The following LRCH4 variants were observed in gnomAD, a reference collection of about 807,000 sequenced individuals.
LRCH4 encodes the protein leucine-rich repeat and calponin homology domain-containing protein 4.
A neutral mutation model predicts 81.2 loss-of-function variants in LRCH4; 56 were observed. The ratio of observed to expected loss-of-function variants is 0.69; its 90% confidence interval spans 0.56 to 0.86. The LOEUF (loss-of-function observed/expected upper bound fraction) is 0.86. LRCH4 is among the 40% of genes least tolerant of loss of function. LRCH4 has a pLI of 0.00. For missense variants in LRCH4, 895 were observed against 922.8 expected (o/e 0.97, Z 0.39); for synonymous variants, 442 against 409.7 (o/e 1.08, Z -0.95).
At chr7:100,585,464 C>T (rs1801702093) in intron 1 of LRCH4, among the ~76,000 whole-genome samples, 1 of 151,274 alleles carries the variant, frequency 6.6e-6, no homozygotes, top group South Asian at 2.1e-4. Flanking sequence ...GCTCGGATCT[C>T]GGTGGGACGG....
chr7:100,576,157 A>G (rs1305403567), intron 15 of LRCH4, 81 bp downstream of exon 15: 2 of 1,515,096 alleles, frequency 1.3e-6, no homozygotes, highest in African/African-American at 2.7e-5. Context: ...GAGGATGTGG[A>G]GGGAGGCTGG....
chr7:100,576,433 T>C lies in LRCH4; in HGVS notation c.1553-110A>G, dbSNP rs1801362199. ...CTCCTGCCTCTCTGCTTGTGGGATTTTTTTTTATTTCATGGAGATGGGGTC... is the reference window on the plus strand; with the variant it reads ...CTCCTGCCTCTCTGCTTGTGGGATTCTTTTTTATTTCATGGAGATGGGGTC... On this transcript the variant is annotated intron_variant, in intron 14 of 17. Transcript: ENST00000310300. The C allele has an allele frequency of 3.9e-6, 3 of 770,076 alleles. 1 individual carries two copies. The highest frequency in any genetic ancestry group is 3.4e-5 in the South Asian group (2 of 58,518). 47.7% of individuals were successfully genotyped at this position (770,076 alleles called of 1,614,324 possible).
Position 100,578,538 on chromosome 7 carries a change from G to T in LRCH4, c.736-27C>A, listed in dbSNP as rs769310734. 6 of 1,606,500 alleles carry T rather than the reference G, an allele frequency of 3.7e-6. No homozygotes were observed. The Admixed American group carries it at 6.7e-5, about 18-fold the overall frequency. On this transcript the variant is annotated intron_variant, in intron 5 of 17. Transcript: ENST00000310300. This position sits in a 1 kb window ranked among gnomAD's most constrained non-coding sequence, Gnocchi z 5.7. ...TGTGTGCGGGGCAGCACACGCCAGG[G>T]AGTTGGCAGGGAGGGCAGCTCCCCG... is the stretch of plus-strand genomic sequence containing the variant.
chr7:100,575,542 C>T lies in LRCH4; in HGVS notation c.1854+163G>A. ...GGGGATGTGTAGGACAGGTGACATG[C>T]AGGGCAGGGGGCATGCAGGGCAGGG... On this transcript the variant is annotated intron_variant, in intron 17 of 17. Transcript: ENST00000310300. This position sits in a 1 kb window ranked among gnomAD's most constrained non-coding sequence, Gnocchi z 5.3. The T allele has an allele frequency of 3.2e-6, 3 of 937,566 alleles. No homozygotes were observed. Among genetic ancestry groups the T allele is most frequent in the Non-Finnish European group, 5.2e-6 (3 of 573,746 alleles). The allele number at this position is 937,566 out of a possible 1,614,324, so 58.1% of individuals were successfully genotyped here.
chr7:100,575,576 G>A lies in LRCH4; in HGVS notation c.1854+129C>T. The A allele has an allele frequency of 8.7e-7, 1 of 1,152,696 alleles. No homozygotes were observed. The highest frequency in any genetic ancestry group is 1.3e-6 in the Non-Finnish European group (1 of 763,972). The allele number at this position is 1,152,696 out of a possible 1,614,324, so 71.4% of individuals were successfully genotyped here. On this transcript the variant is annotated intron_variant, in intron 17 of 17. Coordinates refer to ENST00000310300, the MANE Select transcript of LRCH4 (RefSeq NM_002319.5). The surrounding 1 kb of genome is among the most constrained non-coding windows in gnomAD (Gnocchi z 5.3). Reference sequence around the variant, plus strand: ...GGGCATGCAGGGCAGGGGGCATGCTGGGCAGGGCAGGGGCAGCCTGTGCCT... The same window carrying A: ...GGGCATGCAGGGCAGGGGGCATGCTAGGCAGGGCAGGGGCAGCCTGTGCCT...
chr7:100,581,772 C>T lies in LRCH4; in HGVS notation c.598+5G>A, dbSNP rs1286284112. 3 of 1,613,912 alleles carry T rather than the reference C, an allele frequency of 1.9e-6. No homozygotes were observed. The highest frequency in any genetic ancestry group is 2.5e-6 in the Non-Finnish European group (3 of 1,179,780). The stretch of plus-strand genomic sequence containing the variant: ...ACCTCCTCTCCAGTTCTTCATTCTT[C>T]TCACCTTCGGGCAGCGTACTGAGCT... On this transcript the variant is annotated splice_donor_5th_base_variant and intron_variant, in intron 4 of 17. Transcript: ENST00000310300.
chr7:100,576,603 A>G (rs963254480), intron 14 of LRCH4, 91 bp downstream of exon 14: 9 of 1,145,500 alleles, frequency 7.9e-6, no homozygotes, highest in Non-Finnish European at 1.1e-5. Context: ...AAAAGGTACA[A>G]CAGACCCAGA....
chr7:100,576,799 C>A, intron 13 of LRCH4, 22 bp from the exon 14 acceptor site: 1 of 1,569,540 alleles, frequency 6.4e-7, no homozygotes, highest in Non-Finnish European at 8.7e-7. Flanking sequence ...ACCAGGGACA[C>A]AGCGACAGGG....
Position 100,575,965 on chromosome 7 carries a change from G to A in LRCH4, c.1682C>T (p.Ala561Val). 6.2e-7 allele frequency: 1 copy of A among 1,609,102 alleles called. No individual in the cohort carries two copies. Among genetic ancestry groups the A allele is most frequent in the Non-Finnish European group, 8.5e-7 (1 of 1,178,924 alleles). Residue 561 changes from alanine (A) to valine (V), a missense_variant, in exon 16 of 18, where the codon GCC becomes GTC. Ala to Val is a moderately conservative substitution (Grantham distance 64). Coordinates refer to ENST00000310300, the MANE Select transcript of LRCH4 (RefSeq NM_002319.5). The surrounding 1 kb of genome is among the most constrained non-coding windows in gnomAD (Gnocchi z 5.3). Reference sequence around the variant, plus strand: ...GATGACCCCACTGGCCAGAGCCTCGGCCAGGTCCTCAGGCAGGGGCCGCTG... The same window carrying A: ...GATGACCCCACTGGCCAGAGCCTCGACCAGGTCCTCAGGCAGGGGCCGCTG... ...RLQRPLPEDL[A>V]EALASGVILC... is the part of the protein sequence containing the mutation.
rs565613954 is a variant in LRCH4, at chr7:100,575,857, C to T, written c.1776+14G>A. On this transcript the variant is annotated intron_variant, in intron 16 of 17. Transcript: ENST00000310300. The surrounding 1 kb of genome is among the most constrained non-coding windows in gnomAD (Gnocchi z 5.3). ...CCCGGCCCATCCCCCACCTCTTCCC[C>T]AGCCCCAACTGACCACAGCAGGGGA... 7.4e-6 allele frequency: 12 copies of T among 1,612,186 alleles called. No individual in the cohort carries two copies. The highest frequency in any genetic ancestry group is 5.5e-5 in the South Asian group (5 of 90,920).
Position 100,582,298 on chromosome 7 carries a change from T to C in LRCH4, c.365+17A>G, listed in dbSNP as rs1290550219. ...AGAAGCACACGCTCCCACGTGGCCC[T>C]GGCTCGGCCTCCCTACCTGAGGTTG... On this transcript the variant is annotated intron_variant, in intron 2 of 17. Coordinates refer to ENST00000310300, the MANE Select transcript of LRCH4 (RefSeq NM_002319.5). This position sits in a 1 kb window ranked among gnomAD's most constrained non-coding sequence, Gnocchi z 5.0. The C allele has an allele frequency of 1.2e-6, 2 of 1,614,086 alleles. No homozygotes were observed. Among genetic ancestry groups the C allele is most frequent in the Non-Finnish European group, 8.5e-7 (1 of 1,180,020 alleles).
rs569103303 is a variant in LRCH4 at position 100,585,496 on chromosome 7, G to C, written c.220+385C>G. 5.3e-5 allele frequency among the ~76,000 whole-genome samples: 8 copies of C among 152,008 alleles called. No individual in the cohort carries two copies. The East Asian group carries it at 1.6e-3, about 30-fold the overall frequency. ...ACGGGGGTTAAGAGGTGTAGATGAA[G>C]AGGGAGAGAAAGCAGTTATTAGAGG... On this transcript the variant is annotated intron_variant, in intron 1 of 17. Coordinates refer to ENST00000310300, the MANE Select transcript of LRCH4 (RefSeq NM_002319.5).
At position 100,582,680 on chromosome 7, in the gene LRCH4, G is replaced by C. The variant is rs548285962; in HGVS notation, c.221-221C>G. Among the ~76,000 whole-genome samples, 1 of 152,216 alleles carries C rather than the reference G, an allele frequency of 6.6e-6. No homozygotes were observed. The highest frequency in any genetic ancestry group is 2.1e-4 in the South Asian group (1 of 4,838). ...GGAAGGCAAAGGCCTTAGCGTCACT[G>C]GGCTAGAGAAGCCTCAGACTTGGGG... On this transcript the variant is annotated intron_variant, in intron 1 of 17. Coordinates refer to ENST00000310300, the MANE Select transcript of LRCH4 (RefSeq NM_002319.5). This position sits in a 1 kb window ranked among gnomAD's most constrained non-coding sequence, Gnocchi z 5.0.
chr7:100,575,155 G>A lies in LRCH4; in HGVS notation c.2004C>T (p.Val668=). The A allele has an allele frequency of 6.2e-7, 1 of 1,613,458 alleles. No homozygotes were observed. Among genetic ancestry groups the A allele is most frequent in the Non-Finnish European group, 8.5e-7 (1 of 1,179,736 alleles). ...GLGGFVVFYV[V]LMLLLYVTYT... ...AGGTGACATAGAGCAGCAGCATGAG[G>A]ACCACGTAGAAGACGACGAAGCCGC... is the stretch of plus-strand genomic sequence containing the variant. Residue 668 remains valine, a synonymous_variant, in exon 18 of 18, where the codon GTC becomes GTT. Transcript: ENST00000310300. The surrounding 1 kb of genome is among the most constrained non-coding windows in gnomAD (Gnocchi z 5.3).
Position 100,577,202 on chromosome 7 carries a change from C to T in LRCH4, c.1296-48G>A, listed in dbSNP as rs1438300549. ...CAGCTAGCCCCAAGGCAGAACGGCT[C>T]AGCGGGGCTCGGTGGCCCCATTTCC... On this transcript the variant is annotated intron_variant, in intron 11 of 17. Coordinates refer to ENST00000310300, the MANE Select transcript of LRCH4 (RefSeq NM_002319.5). The surrounding 1 kb of genome is among the most constrained non-coding windows in gnomAD (Gnocchi z 6.7). 3 of 1,611,066 alleles carry T rather than the reference C, an allele frequency of 1.9e-6. No individual in the cohort carries two copies. Among genetic ancestry groups the T allele is most frequent in the East Asian group, 2.2e-5 (1 of 44,870 alleles).
Position 100,586,074 on chromosome 7 carries a change from G to A in LRCH4, c.27C>T (p.Leu9=), listed in dbSNP as rs1317840347. Residue 9 remains leucine, a synonymous_variant, in exon 1 of 18, where the codon CTC becomes CTT. Transcript: ENST00000310300. ...CTGCCGCCTCCTCACCCCCGGCGGCGAGTGGAGCCGCTACGGCCGCCGCCA... is the reference window on the plus strand; with the variant it reads ...CTGCCGCCTCCTCACCCCCGGCGGCAAGTGGAGCCGCTACGGCCGCCGCCA... MAAAVAAP[L]AAGGEEAAAT... 2.6e-6 allele frequency: 4 copies of A among 1,549,200 alleles called. No individual in the cohort carries two copies. Among genetic ancestry groups the A allele is most frequent in the South Asian group, 1.2e-5 (1 of 84,966 alleles).
intron 1 of LRCH4, chr7:100,584,908 C>G: frequency 2.6e-6 from 1 of 384,562 alleles, no homozygotes. Flanking sequence ...GTCCTCCTCC[C>G]TGATCCTGAT....
chr7:100,576,945 G>A lies in LRCH4; in HGVS notation c.1425C>T (p.Ala475=). 1.3e-6 allele frequency: 2 copies of A among 1,575,748 alleles called. No homozygotes were observed. Among genetic ancestry groups the A allele is most frequent in the Non-Finnish European group, 1.7e-6 (2 of 1,159,060 alleles). ...AGAAAGQGAP[A]PAPASQEPLP... ...GGGGCTCTTGGGAGGCAGGGGCAGG[G>A]GCGGGGGCTCCCTGCCCCGCTGCAG... Residue 475 remains alanine (A), a synonymous_variant, in exon 13 of 18, where the codon GCC becomes GCT. Coordinates refer to ENST00000310300, the MANE Select transcript of LRCH4 (RefSeq NM_002319.5).
rs201046286 is a variant in LRCH4, at chr7:100,582,303, C to G, written c.365+12G>C. ...CACACGCTCCCACGTGGCCCTGGCT[C>G]GGCCTCCCTACCTGAGGTTGAGGTA... On this transcript the variant is annotated intron_variant, in intron 2 of 17. Coordinates refer to ENST00000310300, the MANE Select transcript of LRCH4 (RefSeq NM_002319.5). This position sits in a 1 kb window ranked among gnomAD's most constrained non-coding sequence, Gnocchi z 5.0. 6 of 1,613,980 alleles carry G rather than the reference C, an allele frequency of 3.7e-6. No individual in the cohort carries two copies. The highest frequency in any genetic ancestry group is 4.2e-6 in the Non-Finnish European group (5 of 1,180,028).
Sources: allele counts gnomAD v4.1 joint callset (sites outside exome capture counted in the v4.1 genomes callset), GRCh38; gene constraint gnomAD v4.1.1; non-coding constraint Gnocchi (gnomAD v3.1); transcripts MANE v1.5; gene names NCBI Gene and HGNC (gene_info 2026-07-23, HGNC 2026-07-21).